The following GTF2IRD1 variants were observed in gnomAD, a reference collection of about 807,000 sequenced individuals.
The protein encoded by GTF2IRD1 is general transcription factor II-I repeat domain-containing protein 1.
In GTF2IRD1, 26 loss-of-function variants were observed where a neutral mutation model predicts 113.2. The ratio of observed to expected loss-of-function variants is 0.23; its 90% CI spans 0.17 to 0.32. The LOEUF (loss-of-function observed/expected upper bound fraction) is 0.32. Among genes scored for constraint, GTF2IRD1 ranks in the 10% least tolerant of loss-of-function variants. The pLI is 1.00. For synonymous variants in GTF2IRD1, 484 were observed against 529.1 expected, an observed-to-expected ratio of 0.91 and a Z score of 1.17; for missense variants, 864 against 1,280.8, an observed-to-expected ratio of 0.67 and a Z score of 4.97.
chr7:74,513,330 G>A (rs1796742725), intron 3 of GTF2IRD1, among the ~76,000 whole-genome samples: 1 of 152,096 alleles, frequency 6.6e-6, no homozygotes. Context: ...AAATGAGACA[G>A]AGTCTTGCCC....
intron 22 of GTF2IRD1, among the ~76,000 whole-genome samples, chr7:74,576,010 A>AG (rs1801032027): frequency 6.6e-6 from 1 of 151,886 alleles, no homozygotes; most frequent in Admixed American, 6.6e-5. Flanking sequence ...TCTAAAAAAA[A>AG]AAAAATAGCT....
At chr7:74,601,644 T>C (rs782704147) in intron 26 of GTF2IRD1, 67 of 360,606 alleles carry the variant, frequency 1.9e-4, no homozygotes, top group Non-Finnish European at 3.2e-4. Flanking sequence ...AAGTGGGGCA[T>C]AGTGGCTCAT....
At chr7:74,515,321 C>T (rs976707507) in intron 3 of GTF2IRD1, 120 bp from the exon 4 acceptor site, 3 of 1,523,728 alleles carry the variant, frequency 2.0e-6, no homozygotes, top group Non-Finnish European at 2.6e-6. Flanking sequence ...CATTCATTCA[C>T]TTGTGTATCA....
chr7:74,573,135 G>A (rs587670685), intron 22 of GTF2IRD1, among the ~76,000 whole-genome samples: 24 of 152,158 alleles, frequency 1.6e-4, no homozygotes, highest in African/African-American at 5.8e-4. Context: ...GGCTGGGTGC[G>A]GTTGCTTACA....
chr7:74,492,010 TG>T, intron 1 of GTF2IRD1, among the ~76,000 whole-genome samples: 1 of 152,132 alleles, frequency 6.6e-6, no homozygotes, highest in Non-Finnish European at 1.5e-5. Context: ...TTTTTGTTTT[TG>T]TTTTTGTTTT....
At chr7:74,461,277 G>A (rs923219148) in intron 1 of GTF2IRD1, among the ~76,000 whole-genome samples, 2 of 152,170 alleles carry the variant, frequency 1.3e-5, no homozygotes, top group African/African-American at 4.8e-5. Context: ...GTAAGCAGGG[G>A]GCAGCTTAGC....
intron 21 of GTF2IRD1, 60 bp downstream of exon 21, chr7:74,559,104 C>T: frequency 6.8e-7 from 1 of 1,461,740 alleles, no homozygotes; most frequent in East Asian, 2.3e-5. Flanking sequence ...GAGCTTGCAC[C>T]TGCGAATCCT....
chr7:74,505,814 C>T (rs10260347), intron 1 of GTF2IRD1, among the ~76,000 whole-genome samples: 10,959 of 152,208 alleles, frequency 0.072, 1,203 homozygotes, highest in African/African-American at 0.24. Flanking sequence ...GACCCTCAAG[C>T]GGGCTTCCTG....
In GTF2IRD1 at chr7:74,505,330, C is replaced by T. The variant is rs183240768; in HGVS notation, c.-6-2745C>T. On this transcript the variant is annotated intron_variant, in intron 1 of 26. Coordinates refer to ENST00000424337, the MANE Select transcript of GTF2IRD1 (RefSeq NM_005685.4). ...TCCTGCTGCATTCTTGCTCCAGGCA[C>T]GTGGAACCTGCCTCTCCCTCCATCT... 5.3e-3 allele frequency among the ~76,000 whole-genome samples: 809 copies of T among 152,318 alleles called. 9 individuals are homozygous for T. The highest frequency in any genetic ancestry group is 0.018 in the African/African-American group (766 of 41,576).
chr7:74,551,586 G>C (rs1554355034), intron 17 of GTF2IRD1, among the ~76,000 whole-genome samples: 1 of 152,148 alleles, frequency 6.6e-6, no homozygotes, highest in African/African-American at 2.4e-5. Flanking sequence ...ACCTGGATAA[G>C]AAGGTGACAT....
intron 17 of GTF2IRD1, among the ~76,000 whole-genome samples, chr7:74,554,003 C>A (rs587612204): frequency 3.9e-5 from 6 of 152,176 alleles, no homozygotes; most frequent in African/African-American, 1.4e-4. Context: ...AGATGCCCAC[C>A]GCCAGAGCGG....
chr7:74,553,220 TC>T (rs1380455688), intron 17 of GTF2IRD1, among the ~76,000 whole-genome samples: 1 of 150,168 alleles, frequency 6.7e-6, no homozygotes, highest in Non-Finnish European at 1.5e-5. Flanking sequence ...GCCTCCACCT[TC>T]CAGGTTTAAA....
intron 1 of GTF2IRD1, among the ~76,000 whole-genome samples, chr7:74,461,516 A>G (rs1213268813): frequency 2.0e-5 from 3 of 152,066 alleles, no homozygotes; most frequent in African/African-American, 7.2e-5. Flanking sequence ...GGCCTGAGGG[A>G]GTCTCATTAG....
At chr7:74,537,778 G>A (rs1363040530) in intron 11 of GTF2IRD1, among the ~76,000 whole-genome samples, 1 of 152,116 alleles carries the variant, frequency 6.6e-6, no homozygotes, top group Non-Finnish European at 1.5e-5. Context: ...CCCTTTCCAG[G>A]CCCTGCAGGT....
At chr7:74,511,688 C>G (rs1554343004) in intron 2 of GTF2IRD1, among the ~76,000 whole-genome samples, 1 of 152,204 alleles carries the variant, frequency 6.6e-6, no homozygotes, top group African/African-American at 2.4e-5. Context: ...GAGAGGTTAC[C>G]TGTCCCAGGC....
At chr7:74,552,476 C>T (rs1205803446) in intron 17 of GTF2IRD1, among the ~76,000 whole-genome samples, 1 of 151,958 alleles carries the variant, frequency 6.6e-6, no homozygotes, top group Non-Finnish European at 1.5e-5. Context: ...AGATCGCGCC[C>T]CTGCACTCCA....
chr7:74,515,918 A>C (rs986345517), intron 4 of GTF2IRD1, among the ~76,000 whole-genome samples: 2 of 152,066 alleles, frequency 1.3e-5, no homozygotes, highest in African/African-American at 4.8e-5. Context: ...CCTGCAACCA[A>C]GGGTATCTTC....
chr7:74,559,702 C>T (rs782612699), intron 22 of GTF2IRD1, 47 bp downstream of exon 22: 46 of 1,523,924 alleles, frequency 3.0e-5, no homozygotes, highest in Non-Finnish European at 3.4e-5. Flanking sequence ...AGGGCCCGAT[C>T]GTGGTGCTGG....
intron 24 of GTF2IRD1, among the ~76,000 whole-genome samples, chr7:74,591,648 G>A (rs1802070697): frequency 6.6e-6 from 1 of 152,070 alleles, no homozygotes. Flanking sequence ...CCAAAGTGCT[G>A]GGATTACAGG....
Sources: allele counts gnomAD v4.1 joint callset (sites outside exome capture counted in the v4.1 genomes callset), GRCh38; gene constraint gnomAD v4.1.1; transcripts MANE v1.5; gene names NCBI Gene and HGNC (gene_info 2026-07-23, HGNC 2026-07-21).